MSRB3: variants seen among roughly 807,000 people sequenced by gnomAD.
MSRB3 encodes the protein methionine sulfoxide reductase B3, also known as methionine-R-sulfoxide reductase B3.
Under a neutral mutation model 21.0 loss-of-function variants are expected in MSRB3, and 13 were observed. The observed-to-expected ratio is 0.62, with a 90% confidence interval of 0.40 to 0.98. The LOEUF is 0.98. MSRB3 is among the 50% of genes least tolerant of loss of function. The probability of loss-of-function intolerance (pLI) is 0.00; values close to 1 mark genes in which losing one functional copy is unlikely to be tolerated. For synonymous variants in MSRB3, 87 were observed against 88.6 expected, an observed-to-expected ratio of 0.98 and a Z score of 0.10; for missense variants, 199 against 230.3, an observed-to-expected ratio of 0.86 and a Z score of 0.88.
At chr12:65,287,020 CAAAAA>C (rs35236078) in intron 1 of MSRB3, among the ~76,000 whole-genome samples, 3 of 57,158 alleles carry the variant, frequency 5.2e-5, no homozygotes, top group African/African-American at 7.4e-5. Context: ...GACCCTTTCT[CAAAAA>C]AAAAAAAAAA....
At chr12:65,411,936 T>A (rs1880736182) in intron 5 of MSRB3, among the ~76,000 whole-genome samples, 1 of 151,860 alleles carries the variant, frequency 6.6e-6, no homozygotes, top group African/African-American at 2.4e-5. Context: ...ACATAAAAGA[T>A]CATATAGTAC....
intron 4 of MSRB3, among the ~76,000 whole-genome samples, chr12:65,353,817 G>C (rs546253224): frequency 3.9e-5 from 6 of 152,120 alleles, no homozygotes; most frequent in Non-Finnish European, 8.8e-5. Flanking sequence ...TTTCTTCTTA[G>C]CCTCGATGGT....
intron 6 of MSRB3, among the ~76,000 whole-genome samples, chr12:65,455,763 A>T (rs139876528): frequency 6.6e-6 from 1 of 152,002 alleles, no homozygotes; most frequent in Non-Finnish European, 1.5e-5. Context: ...TTGAAATGGG[A>T]TCTTACTCTG....
intron 4 of MSRB3, among the ~76,000 whole-genome samples, chr12:65,334,695 G>T (rs548996081): frequency 2.0e-5 from 3 of 152,272 alleles, no homozygotes; most frequent in African/African-American, 7.2e-5. Flanking sequence ...TTTCAGGCAG[G>T]TTATTATCTG....
At chr12:65,307,199 A>G (rs1428659134) in intron 1 of MSRB3, among the ~76,000 whole-genome samples, 1 of 152,148 alleles carries the variant, frequency 6.6e-6, no homozygotes. Flanking sequence ...TGAAAATGAC[A>G]TGTTTATTTA....
chr12:65,287,381 G>A (rs992825448), intron 1 of MSRB3, among the ~76,000 whole-genome samples: 11 of 152,106 alleles, frequency 7.2e-5, no homozygotes, highest in Non-Finnish European at 1.6e-4. Context: ...TCCCACCTTG[G>A]CCTCTCAAAG....
intron 4 of MSRB3, among the ~76,000 whole-genome samples, chr12:65,351,809 T>C (rs1271685180): frequency 2.6e-5 from 4 of 151,940 alleles, no homozygotes; most frequent in Non-Finnish European, 5.9e-5. Flanking sequence ...GCTGAAATTG[T>C]GGCAATAATC....
intron 5 of MSRB3, among the ~76,000 whole-genome samples, chr12:65,371,327 T>G (rs951488698): frequency 6.7e-4 from 16 of 23,736 alleles, no homozygotes; most frequent in Middle Eastern, 0.033. Flanking sequence ...AGACTCCATC[T>G]CAAAAAAAAA....
At chr12:65,384,543 G>T (rs997346469) in intron 5 of MSRB3, among the ~76,000 whole-genome samples, 2 of 152,068 alleles carry the variant, frequency 1.3e-5, no homozygotes, top group African/African-American at 4.8e-5. Context: ...TTCACATTCT[G>T]TTTTTAATGA....
At chr12:65,416,205 C>T (rs995990956) in intron 5 of MSRB3, among the ~76,000 whole-genome samples, 3 of 152,190 alleles carry the variant, frequency 2.0e-5, no homozygotes, top group Admixed American at 2.0e-4. Flanking sequence ...ATTTCTAAAT[C>T]AACACCTGGG....
At chr12:65,412,071 A>C (rs773088204) in intron 5 of MSRB3, among the ~76,000 whole-genome samples, 1 of 152,148 alleles carries the variant, frequency 6.6e-6, no homozygotes, top group Non-Finnish European at 1.5e-5. Context: ...CTATGACTAT[A>C]GTCATGTTTT....
At chr12:65,393,611 G>A (rs1976272) in intron 5 of MSRB3, among the ~76,000 whole-genome samples, 94,662 of 143,558 alleles carry the variant, frequency 0.66, 30,884 homozygotes, top group Admixed American at 0.74. Flanking sequence ...AGCCTGGGCA[G>A]TAGAGCGAGA....
chr12:65,379,618 T>A (rs1481800295), intron 5 of MSRB3, among the ~76,000 whole-genome samples: 1 of 152,224 alleles, frequency 6.6e-6, no homozygotes, highest in South Asian at 2.1e-4. Flanking sequence ...TAGAATTATA[T>A]GGTATATACT....
intron 5 of MSRB3, among the ~76,000 whole-genome samples, chr12:65,402,993 G>C (rs907183686): frequency 6.6e-6 from 1 of 152,294 alleles, no homozygotes; most frequent in African/African-American, 2.4e-5. Flanking sequence ...TCCCAGAGGG[G>C]CACTCGCCAG....
chr12:65,423,488 A>G (rs1030242981), intron 5 of MSRB3, among the ~76,000 whole-genome samples: 2 of 152,150 alleles, frequency 1.3e-5, no homozygotes, highest in African/African-American at 4.8e-5. Context: ...CTTGTCATAT[A>G]TGGCCTTTAT....
intron 6 of MSRB3, among the ~76,000 whole-genome samples, chr12:65,458,049 C>T (rs11175770): frequency 0.38 from 57,388 of 151,910 alleles, 11,306 homozygotes; most frequent in Middle Eastern, 0.54. Flanking sequence ...CATTTTCAGT[C>T]GGATGTGTTA....
intron 5 of MSRB3, among the ~76,000 whole-genome samples, chr12:65,390,578 A>G (rs1879428412): frequency 6.6e-6 from 1 of 152,210 alleles, no homozygotes; most frequent in Non-Finnish European, 1.5e-5. Context: ...AATTGATGCA[A>G]TCTTTCTGAA....
At chr12:65,428,798 A>G (rs941668560) in intron 5 of MSRB3, among the ~76,000 whole-genome samples, 3 of 152,140 alleles carry the variant, frequency 2.0e-5, no homozygotes, top group African/African-American at 7.2e-5. Context: ...GGTATTTTAG[A>G]AAACGCTAAA....
chr12:65,300,363 A>G (rs1177669403), intron 1 of MSRB3, among the ~76,000 whole-genome samples: 1 of 152,166 alleles, frequency 6.6e-6, no homozygotes, highest in African/African-American at 2.4e-5. Context: ...TGACTAAATT[A>G]AGAATCTCTT....
Sources: allele counts gnomAD v4.1 joint callset (sites outside exome capture counted in the v4.1 genomes callset), GRCh38; gene constraint gnomAD v4.1.1; transcripts MANE v1.5; gene names NCBI Gene and HGNC (gene_info 2026-07-23, HGNC 2026-07-21).